STIM2: variants seen among roughly 807,000 people sequenced by gnomAD.
STIM2 encodes stromal interaction molecule 2.
STIM2 carries 31 observed loss-of-function variants against 85.8 expected under a neutral mutation model. That is an observed-to-expected ratio of 0.36 (90% CI 0.27 to 0.49). The LOEUF is 0.49. STIM2 is among the 20% of genes least tolerant of loss of function. The pLI is 0.98. For missense variants in STIM2, 841 were observed against 927.6 expected (o/e 0.91, Z 1.21); for synonymous variants, 356 against 331.1 (o/e 1.08, Z -0.82).
intron 4 of STIM2, among the ~76,000 whole-genome samples, chr4:26,996,662 A>G (rs984574590): frequency 1.3e-5 from 2 of 152,164 alleles, no homozygotes; most frequent in Admixed American, 1.3e-4. Context: ...TTTTATGTTC[A>G]TGGTACAACT....
At chr4:26,946,387 G>A (rs193130489) in intron 2 of STIM2, among the ~76,000 whole-genome samples, 559 of 152,332 alleles carry the variant, frequency 3.7e-3, no homozygotes, top group African/African-American at 0.012. Flanking sequence ...GAACCTGTCC[G>A]TTCCCTTAAT....
At chr4:26,934,085 T>G (rs1003188428) in intron 2 of STIM2, among the ~76,000 whole-genome samples, 1 of 152,184 alleles carries the variant, frequency 6.6e-6, no homozygotes. Flanking sequence ...TCCCAGCTAC[T>G]TGGGAGGCTG....
intron 2 of STIM2, among the ~76,000 whole-genome samples, chr4:26,956,236 T>C (rs139348855): frequency 0.013 from 1,940 of 152,238 alleles, 35 homozygotes; most frequent in African/African-American, 0.044. Context: ...ATAAACAATT[T>C]AAAAACTATT....
At chr4:26,948,974 A>G (rs571092067) in intron 2 of STIM2, among the ~76,000 whole-genome samples, 7 of 152,288 alleles carry the variant, frequency 4.6e-5, no homozygotes, top group African/African-American at 1.7e-4. Flanking sequence ...ATGATAGGTA[A>G]GGCACACCCT....
In STIM2 at chr4:27,008,822, A is replaced by G; in HGVS notation, c.1309A>G (p.Ile437Val). ...AGAACGACTTTTTCGCTGGCAACAA[A>G]TTGAGAAGATCTGTGGCTTTCAGAT... The change falls in exon 10 of 12, where the codon ATT (isoleucine) becomes GTT (valine). Residue 437 changes from isoleucine to valine, a missense_variant. Coordinates refer to ENST00000467087, the MANE Select transcript of STIM2 (RefSeq NM_020860.4). 1 of 1,614,166 alleles carries G rather than the reference A, an allele frequency of 6.2e-7. No homozygotes were observed.
chr4:26,885,859 A>ATGTATATATATGTATATATATG (rs1396343361), intron 1 of STIM2, among the ~76,000 whole-genome samples: 1 of 89,440 alleles, frequency 1.1e-5, no homozygotes. Context: ...ATATATATAT[A>ATGTATATATATGTATATATATG]TATATATATA....
intron 3 of STIM2, among the ~76,000 whole-genome samples, chr4:26,974,751 G>A (rs1727115067): frequency 6.6e-6 from 1 of 151,954 alleles, no homozygotes; most frequent in South Asian, 2.1e-4. Context: ...CTTTGTGGTG[G>A]TCTCTGTATT....
chr4:27,008,943 T>A lies in STIM2; in HGVS notation c.1430T>A (p.Ile477Asn), dbSNP rs1274039178. Residue 477 changes from isoleucine to asparagine, a missense_variant, in exon 10 of 12, where the codon ATT (isoleucine) becomes AAT (asparagine). Coordinates refer to ENST00000467087, the MANE Select transcript of STIM2 (RefSeq NM_020860.4). ...AGAGTCTCCATTCCACCCTATCCAA[T>A]TGCTGGAGGAGTTGATGACTTAGAT... 2 of 1,614,086 alleles carry A rather than the reference T, an allele frequency of 1.2e-6. No homozygotes were observed. Among genetic ancestry groups the A allele is most frequent in the South Asian group, 2.2e-5 (2 of 91,086 alleles).
chr4:26,923,588 A>C (rs1284092244), intron 2 of STIM2, among the ~76,000 whole-genome samples: 1 of 135,392 alleles, frequency 7.4e-6, no homozygotes, highest in Non-Finnish European at 1.6e-5. Flanking sequence ...AAATGTAAAG[A>C]CCATCGAGAC....
chr4:26,906,609 A>C (rs1284907908), intron 1 of STIM2, among the ~76,000 whole-genome samples: 1 of 152,094 alleles, frequency 6.6e-6, no homozygotes, highest in East Asian at 1.9e-4. Flanking sequence ...AGGGCTAATG[A>C]ATTGGAATTT....
chr4:27,006,757 A>T (rs1728374339), intron 7 of STIM2, among the ~76,000 whole-genome samples: 1 of 152,174 alleles, frequency 6.6e-6, no homozygotes, highest in Admixed American at 6.5e-5. Context: ...AAATACTATG[A>T]CATCGTTATA....
intron 3 of STIM2, among the ~76,000 whole-genome samples, chr4:26,981,284 A>G (rs532745881): frequency 1.3e-5 from 2 of 152,282 alleles, no homozygotes; most frequent in African/African-American, 4.8e-5. Flanking sequence ...AAGTATATAG[A>G]GTTTAGAACA....
chr4:26,899,048 A>G (rs7667007), intron 1 of STIM2, among the ~76,000 whole-genome samples: 27,774 of 151,490 alleles, frequency 0.18, 2,797 homozygotes, highest in Admixed American at 0.25. Context: ...AGATAATACA[A>G]CCCTTCTCTT....
intron 1 of STIM2, among the ~76,000 whole-genome samples, chr4:26,892,876 C>A (rs1458756963): frequency 6.6e-6 from 1 of 152,138 alleles, no homozygotes; most frequent in Non-Finnish European, 1.5e-5. Context: ...TTTTTCAGAT[C>A]CATATTTGCA....
chr4:26,943,114 A>G (rs1577453102), intron 2 of STIM2, among the ~76,000 whole-genome samples: 1 of 152,114 alleles, frequency 6.6e-6, no homozygotes, highest in African/African-American at 2.4e-5. Context: ...CTCATCTGCC[A>G]TTGTTGATCG....
At chr4:26,928,703 A>C (rs572608361) in intron 2 of STIM2, among the ~76,000 whole-genome samples, 1 of 152,140 alleles carries the variant, frequency 6.6e-6, no homozygotes, top group Non-Finnish European at 1.5e-5. Context: ...AAGTGTTATC[A>C]CCACTCTGCA....
chr4:26,968,701 C>T (rs1342153467), intron 3 of STIM2, among the ~76,000 whole-genome samples: 2 of 152,038 alleles, frequency 1.3e-5, no homozygotes, highest in Non-Finnish European at 2.9e-5. Flanking sequence ...TATTTCACCA[C>T]AATGAAGGAT....
chr4:26,957,778 C>A, intron 3 of STIM2, 52 bp downstream of exon 3: 1 of 1,110,896 alleles, frequency 9.0e-7, no homozygotes, highest in Non-Finnish European at 1.3e-6. Flanking sequence ...ATCTAGCCTG[C>A]TTAGTTGTTC....
intron 9 of STIM2, 35 bp from the exon 10 acceptor site, chr4:27,008,729 G>T: frequency 6.3e-7 from 1 of 1,597,618 alleles, no homozygotes; most frequent in South Asian, 1.1e-5. Flanking sequence ...AAGACCTTTT[G>T]ATGCAGTAAG....
Sources: allele counts gnomAD v4.1 joint callset (sites outside exome capture counted in the v4.1 genomes callset), GRCh38; gene constraint gnomAD v4.1.1; transcripts MANE v1.5; gene names NCBI Gene and HGNC (gene_info 2026-07-23, HGNC 2026-07-21).